ACSL6: variants seen among roughly 807,000 people sequenced by gnomAD.
ACSL6 encodes acyl-CoA synthetase long chain family member 6, also known as long-chain-fatty-acid--CoA ligase 6.
In ACSL6, 47 loss-of-function variants were observed where a neutral mutation model predicts 98.2. The observed-to-expected ratio is 0.48, with a 90% CI of 0.38 to 0.61. The LOEUF (loss-of-function observed/expected upper bound fraction) is 0.61. ACSL6 is among the 20% of genes least tolerant of loss of function. The pLI is 0.00. For missense variants in ACSL6, 761 were observed against 913.4 expected, an observed-to-expected ratio of 0.83 and a Z score of 2.15; for synonymous variants, 362 against 336.9, an observed-to-expected ratio of 1.07 and a Z score of -0.82.
intron 1 of ACSL6, among the ~76,000 whole-genome samples, chr5:132,009,184 G>A (rs574354434): frequency 1.7e-4 from 26 of 152,294 alleles, no homozygotes; most frequent in African/African-American, 6.0e-4. Flanking sequence ...TCCTCCTCCT[G>A]GTGCATTGCC....
chr5:131,985,074 G>C (rs11740076), intron 9 of ACSL6: 2 of 331,218 alleles, frequency 6.0e-6, no homozygotes, highest in African/African-American at 4.2e-5. Flanking sequence ...GCAGAAAGCA[G>C]GGGAGTGAGA....
At chr5:131,958,148 T>G (rs1752514360) in intron 20 of ACSL6, among the ~76,000 whole-genome samples, 1 of 152,214 alleles carries the variant, frequency 6.6e-6, no homozygotes, top group Non-Finnish European at 1.5e-5. Flanking sequence ...TTTTTTTCCA[T>G]GAAGAGGAAT....
intron 4 of ACSL6, 149 bp from the exon 5 acceptor site, chr5:131,989,657 A>C (rs992210063): frequency 1.6e-6 from 1 of 633,256 alleles, no homozygotes; most frequent in African/African-American, 2.0e-5. Context: ...GTGCAATGGC[A>C]CAATCTCTGC....
rs1754424837 is a variant in ACSL6, at chr5:131,990,116, C to T, written c.434G>A (p.Trp145Ter). The T allele has an allele frequency of 6.2e-7, 1 of 1,613,820 alleles. No individual in the cohort carries two copies. Among genetic ancestry groups the T allele is most frequent in the Admixed American group, 1.7e-5 (1 of 59,996 alleles). The change falls in exon 4 of 21, where the codon TGG becomes TAG. Residue 145 changes from tryptophan to a stop codon, truncating the protein, a stop_gained. Coordinates refer to ENST00000651883, the MANE Select transcript of ACSL6 (RefSeq NM_001009185.3). LOFTEE classifies it high-confidence loss of function. ...GFRKPKQPYQ[W>*]LSYQEVADRA... ...ATCACTCACCTCCTGGTAGGACAGC[C>T]ACTGGTAAGGCTGCTTAGGCTTCCT...
At chr5:131,963,963 T>C (rs1333816671) in intron 17 of ACSL6, among the ~76,000 whole-genome samples, 3 of 152,162 alleles carry the variant, frequency 2.0e-5, no homozygotes, top group East Asian at 3.9e-4. Context: ...CAGCTAGAAG[T>C]TGGGGAACCA....
rs76693650 is a variant in ACSL6, at chr5:131,960,427, G to A, written c.1959+93C>T. ...AATGTTAGAAATTTCGTACGAGCTC[G>A]AATTTCACTGGTCTACAACTTTTCT... is the stretch of plus-strand genomic sequence containing the variant. On this transcript the variant is annotated intron_variant, in intron 19 of 20. Coordinates refer to ENST00000651883, the MANE Select transcript of ACSL6 (RefSeq NM_001009185.3). The A allele has an allele frequency of 6.8e-4, 685 of 1,004,110 alleles. 6 individuals carry two copies. In the African/African-American group the frequency reaches 9.8e-3, roughly 14 times the overall value. 62.2% of individuals were successfully genotyped at this position (1,004,110 alleles called of 1,614,324 possible).
intron 20 of ACSL6, among the ~76,000 whole-genome samples, 194 bp from the exon 21 acceptor site, chr5:131,954,565 CATTT>C (rs1220942979): frequency 6.6e-6 from 1 of 152,168 alleles, no homozygotes; most frequent in Non-Finnish European, 1.5e-5. Context: ...CCTATTCATT[CATTT>C]AGCCAGTCAA....
intron 20 of ACSL6, among the ~76,000 whole-genome samples, chr5:131,957,995 A>T (rs992438473): frequency 6.6e-6 from 1 of 152,252 alleles, no homozygotes; most frequent in Non-Finnish European, 1.5e-5. Flanking sequence ...TGGTGAGGGC[A>T]GATTATTAGA....
At chr5:131,987,849 T>C (rs1010219432) in intron 7 of ACSL6, among the ~76,000 whole-genome samples, 199 bp downstream of exon 7, 1 of 152,100 alleles carries the variant, frequency 6.6e-6, no homozygotes, top group Non-Finnish European at 1.5e-5. Context: ...CCACGGAGCC[T>C]ATCTCCTAGA....
chr5:131,971,674 T>C, intron 13 of ACSL6, 29 bp from the exon 14 acceptor site: 2 of 1,574,540 alleles, frequency 1.3e-6, no homozygotes, highest in South Asian at 1.2e-5. Flanking sequence ...GCTGCCAAAT[T>C]TTGTGATGTC....
upstream of ACSL6, chr5:132,011,763 G>GCCT: frequency 7.5e-7 from 1 of 1,328,706 alleles, no homozygotes; most frequent in Non-Finnish European, 9.7e-7. The surrounding 1 kb of genome is among the most constrained non-coding windows in gnomAD (Gnocchi z 5.4). Flanking sequence ...TCGCAACCGA[G>GCCT]CCTTACTCCC....
chr5:131,976,175 T>C (rs1753601520), intron 10 of ACSL6: 3 of 985,474 alleles, frequency 3.0e-6, no homozygotes, highest in Non-Finnish European at 3.6e-6. Flanking sequence ...TTTTTGATTT[T>C]AGATTTACCT....
intron 9 of ACSL6, 113 bp from the exon 10 acceptor site, chr5:131,976,834 C>T: frequency 2.4e-6 from 2 of 842,586 alleles, no homozygotes; most frequent in Non-Finnish European, 4.0e-6. Flanking sequence ...AAGCCTCTGG[C>T]CTTTGTCTTC....
In ACSL6 at chr5:131,967,441, A is replaced by G. The variant is rs1753070793; in HGVS notation, c.1596+499T>C. On this transcript the variant is annotated intron_variant, in intron 16 of 20. Coordinates refer to ENST00000651883, the MANE Select transcript of ACSL6 (RefSeq NM_001009185.3). ...CACTTTGGGAGGCCGAGGTGGGCGG[A>G]TCACGAAGTCAGGAGATTAAGACCA... is the stretch of plus-strand genomic sequence containing the variant. 2.0e-5 allele frequency among the ~76,000 whole-genome samples: 3 copies of G among 152,020 alleles called. No individual in the cohort carries two copies. The South Asian group carries it at 6.2e-4, about 32-fold the overall frequency.
In ACSL6 at chr5:131,972,795, G is replaced by C. The variant is rs1022949466; in HGVS notation, c.1267C>G (p.Gln423Glu). ...ATGATTCCACTCCGGACCTCGGCTT[G>C]CTTACGCTTTGCTGCAAACTCCAGG... ...WLLEFAAKRKQAEVRSGIIRN... is the reference protein window; with the variant it reads ...WLLEFAAKRKEAEVRSGIIRN... Residue 423 changes from glutamine to glutamate, a missense_variant, in exon 13 of 21, where the codon CAA becomes GAA. Gln to Glu is a conservative substitution (Grantham distance 29, BLOSUM62 2). Transcript: ENST00000651883. 2 of 1,614,084 alleles carry C rather than the reference G, an allele frequency of 1.2e-6. No individual in the cohort carries two copies. The highest frequency in any genetic ancestry group is 2.7e-5 in the African/African-American group (2 of 74,934).
At chr5:131,991,629 C>T (rs1004808809) in intron 2 of ACSL6, among the ~76,000 whole-genome samples, 1 of 152,066 alleles carries the variant, frequency 6.6e-6, no homozygotes, top group Non-Finnish European at 1.5e-5. Flanking sequence ...AGGTGGCAAA[C>T]CCCTCTGTGC....
At position 131,951,621 on chromosome 5, in the gene ACSL6, T is replaced by G. The variant is rs1174364439; in HGVS notation, c.*2613A>C. 5.6e-6 allele frequency: 1 copy of G among 177,782 alleles called. No homozygotes were observed. Among genetic ancestry groups the G allele is most frequent in the Non-Finnish European group, 1.2e-5 (1 of 82,794 alleles). 11.0% of individuals were successfully genotyped at this position (177,782 alleles called of 1,614,324 possible). ...TTCTTTTTGAGACGGAGTCTCGTTCTGTTGCCCAGGCTGGAGTACAGTGGC... is the reference window on the plus strand; with the variant it reads ...TTCTTTTTGAGACGGAGTCTCGTTCGGTTGCCCAGGCTGGAGTACAGTGGC... On this transcript the variant is annotated 3_prime_UTR_variant, in exon 21 of 21. Coordinates refer to ENST00000651883, the MANE Select transcript of ACSL6 (RefSeq NM_001009185.3).
At chr5:131,976,227 A>G in intron 10 of ACSL6, 34 of 985,394 alleles carry the variant, frequency 3.5e-5, no homozygotes, top group Non-Finnish European at 3.9e-5. Flanking sequence ...GTTGTTTCTC[A>G]GACTCTAGTA....
chr5:131,965,137 G>C (rs1270130455), intron 17 of ACSL6, among the ~76,000 whole-genome samples: 2 of 152,142 alleles, frequency 1.3e-5, no homozygotes, highest in Non-Finnish European at 2.9e-5. Flanking sequence ...CCATTTACCA[G>C]CCCACTCAGC....
Sources: gnomAD v4.1 joint callset for allele counts (sites outside exome capture counted in the v4.1 genomes callset) on GRCh38, gnomAD v4.1.1 for gene constraint, Gnocchi (gnomAD v3.1) non-coding constraint, MANE v1.5 for transcripts, NCBI Gene and HGNC (gene_info 2026-07-23, HGNC 2026-07-21) for gene names.